The following ZNF503 variants were observed in gnomAD, a reference collection of about 807,000 sequenced individuals.
ZNF503 encodes NocA-like zinc finger 2.
In ZNF503, 15 loss-of-function variants were observed where a neutral mutation model predicts 34.4. The ratio of observed to expected loss-of-function variants is 0.44; its 90% CI spans 0.29 to 0.67. The LOEUF is 0.67. Ranked by LOEUF, ZNF503 falls within the 30% of genes least tolerant of loss-of-function variation. ZNF503 has a pLI of 0.13. For missense variants in ZNF503, 1,007 were observed against 926.8 expected, an observed-to-expected ratio of 1.09 and a Z score of -1.12; for synonymous variants, 580 against 456.8, an observed-to-expected ratio of 1.27 and a Z score of -3.44.
the ZNF503 span, among the ~76,000 whole-genome samples, chr10:75,311,322 T>C: frequency 6.6e-6 from 1 of 152,170 alleles, no homozygotes; most frequent in South Asian, 2.1e-4. Flanking sequence ...GGGTCTGCCT[T>C]TCCCACTCCA....
chr10:75,367,418 C>T, the ZNF503 span, among the ~76,000 whole-genome samples: 1 of 152,210 alleles, frequency 6.6e-6, no homozygotes. Context: ...CCGGAGACTG[C>T]TTCATTCCCA....
At chr10:75,355,885 G>A in the ZNF503 span, among the ~76,000 whole-genome samples, 1 of 152,214 alleles carries the variant, frequency 6.6e-6, no homozygotes, top group Admixed American at 6.5e-5. Flanking sequence ...CAACTTTTGT[G>A]GGCTGGCATC....
the ZNF503 span, among the ~76,000 whole-genome samples, chr10:75,364,939 T>C: frequency 1.4e-4 from 21 of 152,134 alleles, no homozygotes; most frequent in Admixed American, 6.5e-5. Context: ...TAATGGATGA[T>C]AGCACCATAA....
the ZNF503 span, among the ~76,000 whole-genome samples, chr10:75,311,618 G>A: frequency 4.6e-3 from 645 of 141,384 alleles, 1 homozygote; most frequent in Middle Eastern, 7.5e-3. Flanking sequence ...GAGGCCAGGA[G>A]TTTGAGAACA....
the ZNF503 span, among the ~76,000 whole-genome samples, chr10:75,302,227 T>C: frequency 6.6e-6 from 1 of 152,240 alleles, no homozygotes; most frequent in Non-Finnish European, 1.5e-5. Context: ...GATGAGAAGT[T>C]AGCTGTCCAT....
Position 75,399,042 on chromosome 10 carries a change from T to C in ZNF503, c.1648A>G (p.Lys550Glu), listed in dbSNP as rs937129200. 1.2e-6 allele frequency: 2 copies of C among 1,612,408 alleles called. No individual in the cohort carries two copies. Among genetic ancestry groups the C allele is most frequent in the African/African-American group, 1.3e-5 (1 of 74,892 alleles). ...GAGCTGGGGTAGCCCGACAGCAGTT[T>C]GTCTGTCCCGGGAAATGCCGTATGG... ...RTHTAFPGTD[K>E]LLSGYPSSSS... The change falls in exon 2 of 2, where the codon AAA (lysine) becomes GAA (glutamate). Residue 550 changes from lysine (K) to glutamate (E), a missense_variant. Physicochemically the swap from Lys to Glu is moderately conservative, Grantham distance 56 (BLOSUM62 1). Transcript: ENST00000372524.
the ZNF503 span, among the ~76,000 whole-genome samples, chr10:75,361,900 A>G: frequency 2.0e-5 from 3 of 152,176 alleles, no homozygotes; most frequent in African/African-American, 7.2e-5. Flanking sequence ...CCTGGGAAGG[A>G]AGAGCCCCTC....
chr10:75,356,116 G>A, the ZNF503 span, among the ~76,000 whole-genome samples: 3 of 152,286 alleles, frequency 2.0e-5, no homozygotes, highest in South Asian at 2.1e-4. Flanking sequence ...CATCTGCTAC[G>A]TTTCATTTGC....
the ZNF503 span, chr10:75,280,002 G>A: frequency 6.6e-6 from 1 of 152,178 alleles, no homozygotes; most frequent in Non-Finnish European, 1.5e-5. Context: ...AATGAATTTT[G>A]TGGGGACTAT....
chr10:75,367,787 A>G, the ZNF503 span, among the ~76,000 whole-genome samples: 1 of 152,206 alleles, frequency 6.6e-6, no homozygotes, highest in East Asian at 1.9e-4. Context: ...TTATTATTTT[A>G]TCACAGCCAT....
the ZNF503 span, chr10:75,358,662 C>T: frequency 6.6e-6 from 1 of 152,192 alleles, no homozygotes; most frequent in Non-Finnish European, 1.5e-5. Context: ...CAGTGCCAAC[C>T]ACATTCCCAG....
chr10:75,330,196 G>T, the ZNF503 span, among the ~76,000 whole-genome samples: 11 of 152,184 alleles, frequency 7.2e-5, no homozygotes, highest in African/African-American at 2.7e-4. Context: ...GCATCCAGGG[G>T]TTGCATGGTC....
chr10:75,342,180 T>G, the ZNF503 span, among the ~76,000 whole-genome samples: 6 of 131,590 alleles, frequency 4.6e-5, no homozygotes, highest in African/African-American at 8.3e-5. Flanking sequence ...CCAGGCTGGG[T>G]GGGGTGGGGT....
chr10:75,401,430 C>G lies in ZNF503; in HGVS notation c.-11G>C. ...GGGCGCTGTGCTCATGACCCACCCG[C>G]GCGCATGGGAGCAGCGGGGGGGAGG... On this transcript the variant is annotated 5_prime_UTR_variant, in exon 1 of 2. Coordinates refer to ENST00000372524, the MANE Select transcript of ZNF503 (RefSeq NM_032772.6). 1 of 1,532,956 alleles carries G rather than the reference C, an allele frequency of 6.5e-7. No homozygotes were observed. The highest frequency in any genetic ancestry group is 1.4e-5 in the African/African-American group (1 of 72,200). 95.0% of individuals were successfully genotyped at this position (1,532,956 alleles called of 1,614,324 possible). A position where few individuals can be genotyped will look rare whatever the true frequency, so the allele number is the denominator to read the frequency against.
the ZNF503 span, among the ~76,000 whole-genome samples, chr10:75,381,747 G>A: frequency 2.7e-3 from 398 of 149,922 alleles, 2 homozygotes; most frequent in Non-Finnish European, 4.8e-3. Flanking sequence ...TGTGCAGTGG[G>A]GGGACAAATG....
chr10:75,401,432 C>A lies in ZNF503; in HGVS notation c.-13G>T, dbSNP rs1359865178. 3 of 1,531,982 alleles carry A rather than the reference C, an allele frequency of 2.0e-6. No homozygotes were observed. The highest frequency in any genetic ancestry group is 2.8e-5 in the African/African-American group (2 of 71,950). 94.9% of individuals were successfully genotyped at this position (1,531,982 alleles called of 1,614,324 possible). ...GCGCTGTGCTCATGACCCACCCGCG[C>A]GCATGGGAGCAGCGGGGGGGAGGGC... On this transcript the variant is annotated 5_prime_UTR_variant, in exon 1 of 2. Transcript: ENST00000372524.
the ZNF503 span, among the ~76,000 whole-genome samples, chr10:75,329,410 C>CT: frequency 7.7e-4 from 51 of 65,848 alleles, no homozygotes; most frequent in African/African-American, 2.5e-3. Flanking sequence ...TCCTTCCTTC[C>CT]TTCCTTTCCT....
chr10:75,390,857 T>A, the ZNF503 span, among the ~76,000 whole-genome samples: 1 of 152,246 alleles, frequency 6.6e-6, no homozygotes, highest in Admixed American at 6.5e-5. Context: ...CTCACAGTTC[T>A]GGAGGCCAGA....
At chr10:75,296,500 C>CG in the ZNF503 span, 6 of 151,740 alleles carry the variant, frequency 4.0e-5, no homozygotes, top group African/African-American at 1.5e-4. Context: ...GCTCAGACAC[C>CG]CCCCCTTCCT....
Sources: allele counts gnomAD v4.1 joint callset (sites outside exome capture counted in the v4.1 genomes callset), GRCh38; gene constraint gnomAD v4.1.1; transcripts MANE v1.5; gene names NCBI Gene and HGNC (gene_info 2026-07-23, HGNC 2026-07-21).